DLC1: variants seen among roughly 807,000 people sequenced by gnomAD.
DLC1 encodes DLC1 Rho GTPase activating protein.
In DLC1, 54 loss-of-function variants were observed where a neutral mutation model predicts 140.3. That is an observed-to-expected ratio of 0.38 (90% CI 0.31 to 0.48). The LOEUF (loss-of-function observed/expected upper bound fraction) is 0.48. Ranked by LOEUF, DLC1 falls within the 20% of genes least tolerant of loss-of-function variation. The probability of loss-of-function intolerance (pLI) is 0.96; values close to 1 mark genes in which losing one functional copy is unlikely to be tolerated. For synonymous variants in DLC1, 986 were observed against 728.1 expected, an observed-to-expected ratio of 1.35 and a Z score of -5.70; for missense variants, 2,536 against 1,907.0, an observed-to-expected ratio of 1.33 and a Z score of -6.14.
intron 1 of DLC1, among the ~76,000 whole-genome samples, chr8:13,565,754 C>G (rs1447140485): frequency 3.3e-5 from 5 of 152,148 alleles, no homozygotes; most frequent in Non-Finnish European, 7.4e-5. Context: ...TAAAATTATC[C>G]TAGACATTGA....
intron 4 of DLC1, among the ~76,000 whole-genome samples, chr8:13,381,411 T>C (rs913855717): frequency 1.2e-4 from 19 of 152,220 alleles, no homozygotes; most frequent in African/African-American, 4.6e-4. Flanking sequence ...TCCAGTGATC[T>C]GTGTGTCCTG....
intron 2 of DLC1, among the ~76,000 whole-genome samples, chr8:13,462,084 T>C (rs144983614): frequency 4.8e-4 from 73 of 152,302 alleles, no homozygotes; most frequent in Middle Eastern, 3.4e-3. Context: ...AGGGGCAGAA[T>C]GAGACTTCCT....
intron 4 of DLC1, among the ~76,000 whole-genome samples, chr8:13,376,114 T>G (rs1031556046): frequency 6.6e-6 from 1 of 152,214 alleles, no homozygotes; most frequent in African/African-American, 2.4e-5. Context: ...ATCCGCTAGC[T>G]GAAGAAAATG....
chr8:13,393,801 A>T, intron 3 of DLC1, 108 bp from the exon 4 acceptor site: 7 of 1,316,328 alleles, frequency 5.3e-6, no homozygotes, highest in Non-Finnish European at 7.3e-6. Context: ...GTGCACACTG[A>T]TACACTAAAG....
At chr8:13,383,442 C>T (rs1836364796) in intron 4 of DLC1, among the ~76,000 whole-genome samples, 1 of 152,172 alleles carries the variant, frequency 6.6e-6, no homozygotes, top group Non-Finnish European at 1.5e-5. Context: ...GTCTCATCTG[C>T]ACCTGGATCT....
intron 5 of DLC1, among the ~76,000 whole-genome samples, chr8:13,303,272 A>G (rs774253112): frequency 6.6e-6 from 1 of 152,168 alleles, no homozygotes; most frequent in African/African-American, 2.4e-5. Context: ...GGTATCTGAG[A>G]TGGGGCATCC....
At chr8:13,109,700 A>G (rs955202341) in intron 7 of DLC1, among the ~76,000 whole-genome samples, 2 of 152,100 alleles carry the variant, frequency 1.3e-5, no homozygotes, top group African/African-American at 4.8e-5. Context: ...TCCTGGCAAC[A>G]TGGTGAAACC....
chr8:13,111,286 AG>A (rs1320625993), intron 6 of DLC1, among the ~76,000 whole-genome samples: 8 of 152,224 alleles, frequency 5.3e-5, no homozygotes, highest in Non-Finnish European at 1.2e-4. Flanking sequence ...GAAAAGTGGT[AG>A]GAAATGGAAT....
rs565487165 is a variant in DLC1 at position 13,319,878 on chromosome 8, A to C, written c.1315-14576T>G. 3.4e-5 allele frequency among the ~76,000 whole-genome samples: 4 copies of C among 118,090 alleles called. No individual in the cohort carries two copies. The South Asian group carries it at 1.2e-3, about 34-fold the overall frequency. The allele number at this position is 118,090 out of a possible 152,430, so 77.5% of individuals were successfully genotyped here. A position where few individuals can be genotyped will look rare whatever the true frequency, so the allele number is the denominator to read the frequency against. On this transcript the variant is annotated intron_variant, in intron 4 of 17. Transcript: ENST00000276297. The stretch of plus-strand genomic sequence containing the variant: ...CGCTCTTTCGCCCAGGCTGCAGTGC[A>C]CTGGTGTAATCTTGGTTCACTGCAC...
intron 1 of DLC1, among the ~76,000 whole-genome samples, chr8:13,549,137 G>A (rs1381845105): frequency 6.6e-6 from 1 of 152,026 alleles, no homozygotes; most frequent in African/African-American, 2.4e-5. Flanking sequence ...AAAATTAGCA[G>A]TGAAAACACA....
intron 5 of DLC1, among the ~76,000 whole-genome samples, chr8:13,239,324 G>T (rs189988380): frequency 6.6e-6 from 1 of 152,166 alleles, no homozygotes; most frequent in East Asian, 1.9e-4. Context: ...ATGCTGTGTA[G>T]GTCAAAACAC....
chr8:13,302,264 T>C (rs1304627594), intron 5 of DLC1, among the ~76,000 whole-genome samples: 1 of 152,198 alleles, frequency 6.6e-6, no homozygotes, highest in Non-Finnish European at 1.5e-5. Context: ...AACTAGAGTT[T>C]GAGTTCCTAT....
intron 5 of DLC1, among the ~76,000 whole-genome samples, chr8:13,289,073 A>T (rs1831652323): frequency 1.3e-5 from 2 of 152,054 alleles, no homozygotes; most frequent in African/African-American, 2.4e-5. Context: ...CACTCCTGTG[A>T]CCTGTTCCTT....
chr8:13,212,248 C>A (rs1350015733), intron 5 of DLC1, among the ~76,000 whole-genome samples: 5 of 152,168 alleles, frequency 3.3e-5, no homozygotes, highest in African/African-American at 4.8e-5. Context: ...ATGGCCTTCT[C>A]AGCTTCCAGA....
intron 5 of DLC1, among the ~76,000 whole-genome samples, chr8:13,143,312 C>T (rs1403363297): frequency 6.6e-6 from 1 of 152,212 alleles, no homozygotes; most frequent in Non-Finnish European, 1.5e-5. Flanking sequence ...TGCAGAAAAT[C>T]TTTGGCAACC....
intron 4 of DLC1, among the ~76,000 whole-genome samples, chr8:13,328,327 A>T (rs1165797597): frequency 1.3e-5 from 2 of 152,088 alleles, no homozygotes; most frequent in African/African-American, 4.8e-5. Flanking sequence ...CTAGTGATGA[A>T]TATGGGGAGA....
intron 3 of DLC1, among the ~76,000 whole-genome samples, chr8:13,395,271 A>G (rs1836983753): frequency 1.3e-5 from 2 of 151,820 alleles, no homozygotes; most frequent in Non-Finnish European, 2.9e-5. Flanking sequence ...ACAGGTGCAC[A>G]CCACCACACC....
chr8:13,147,821 C>G (rs1823542790), intron 5 of DLC1, among the ~76,000 whole-genome samples: 1 of 152,116 alleles, frequency 6.6e-6, no homozygotes, highest in Admixed American at 6.6e-5. Flanking sequence ...AACCCCGTCT[C>G]TACTAAAAAG....
At position 13,090,394 on chromosome 8, in the gene DLC1, C is replaced by G; in HGVS notation, c.3932G>C (p.Gly1311Ala). 1 of 1,614,180 alleles carries G rather than the reference C, an allele frequency of 6.2e-7. No individual in the cohort carries two copies. Among genetic ancestry groups the G allele is most frequent in the South Asian group, 1.1e-5 (1 of 91,078 alleles). ...ELKPLTLEAL[G>A]HLGNDDSADY... ...AGCTGAGTCATCATTACCCAGGTGC[C>G]CGAGTGCTTCCAGAGTGAGGGGCTT... is the stretch of plus-strand genomic sequence containing the variant. Residue 1311 changes from glycine to alanine, a missense_variant, in exon 15 of 18, where the codon GGG (glycine) becomes GCG (alanine). Gly to Ala is a moderately conservative substitution (Grantham distance 60). Transcript: ENST00000276297.
Sources: gnomAD v4.1 joint callset for allele counts (sites outside exome capture counted in the v4.1 genomes callset) on GRCh38, gnomAD v4.1.1 for gene constraint, MANE v1.5 for transcripts, NCBI Gene and HGNC (gene_info 2026-07-23, HGNC 2026-07-21) for gene names.